The following SSBP2 variants were observed in gnomAD, a reference collection of about 807,000 sequenced individuals.
SSBP2 encodes the protein single-stranded DNA-binding protein 2.
SSBP2 carries 17 observed loss-of-function variants against 61.8 expected under a neutral mutation model. That is an observed-to-expected ratio of 0.28 (90% CI 0.19 to 0.41). The LOEUF (loss-of-function observed/expected upper bound fraction) is 0.41. Ranked by LOEUF, SSBP2 falls within the 10% of genes least tolerant of loss-of-function variation. The pLI is 1.00. For synonymous variants in SSBP2, 139 were observed against 141.3 expected (o/e 0.98, Z 0.12); for missense variants, 310 against 458.7 (o/e 0.68, Z 2.96).
chr5:81,454,777 T>G (rs1764019367), intron 10 of SSBP2, among the ~76,000 whole-genome samples: 1 of 152,024 alleles, frequency 6.6e-6, no homozygotes, highest in South Asian at 2.1e-4. Context: ...TATATATATA[T>G]TTCTATTTCT....
intron 9 of SSBP2, among the ~76,000 whole-genome samples, chr5:81,461,322 C>T (rs1343541143): frequency 1.3e-5 from 2 of 151,796 alleles, no homozygotes; most frequent in Admixed American, 6.6e-5. Context: ...TTTTAGAAAG[C>T]CCAGTTTTAT....
At chr5:81,738,860 T>C (rs1040060114) in intron 1 of SSBP2, among the ~76,000 whole-genome samples, 7 of 152,154 alleles carry the variant, frequency 4.6e-5, no homozygotes, top group Non-Finnish European at 8.8e-5. Flanking sequence ...GTGTAACTTT[T>C]CTGCTTAAAA....
intron 4 of SSBP2, among the ~76,000 whole-genome samples, chr5:81,529,197 A>AACACAGCTATG (rs1289027136): frequency 7.2e-5 from 11 of 152,118 alleles, no homozygotes; most frequent in African/African-American, 2.4e-4. Context: ...GAGTAGTAAA[A>AACACAGCTATG]ACACAGCTAT....
intron 5 of SSBP2, among the ~76,000 whole-genome samples, chr5:81,494,097 C>T (rs1409579032): frequency 6.6e-6 from 1 of 152,302 alleles, no homozygotes; most frequent in East Asian, 1.9e-4. Context: ...ATGTTCTCTT[C>T]ACCAAATGGC....
intron 11 of SSBP2, among the ~76,000 whole-genome samples, chr5:81,448,344 T>C (rs967164202): frequency 7.2e-5 from 11 of 152,162 alleles, no homozygotes; most frequent in African/African-American, 2.4e-4. Context: ...AACCAAAAAA[T>C]GAAATGATTC....
At chr5:81,465,803 T>C (rs1561433315) in intron 9 of SSBP2, among the ~76,000 whole-genome samples, 2 of 151,994 alleles carry the variant, frequency 1.3e-5, no homozygotes, top group Admixed American at 1.3e-4. Context: ...GGCCAAGCCT[T>C]TGAGGAATTT....
chr5:81,566,095 T>C (rs2153429555), intron 4 of SSBP2, among the ~76,000 whole-genome samples: 1 of 152,334 alleles, frequency 6.6e-6, no homozygotes, highest in South Asian at 2.1e-4. Flanking sequence ...AATTTGAGCA[T>C]AAAACTTTTG....
chr5:81,610,224 C>T (rs1448466643), intron 4 of SSBP2, among the ~76,000 whole-genome samples: 1 of 152,120 alleles, frequency 6.6e-6, no homozygotes, highest in African/African-American at 2.4e-5. Context: ...GCATCACCAG[C>T]CAGAGGTCCC....
chr5:81,538,902 C>T (rs1283674355), intron 4 of SSBP2, among the ~76,000 whole-genome samples: 4 of 152,188 alleles, frequency 2.6e-5, no homozygotes, highest in African/African-American at 4.8e-5. Context: ...TGAAGATATA[C>T]AAGGAGACTG....
At chr5:81,644,453 G>T (rs1749085661) in intron 2 of SSBP2, among the ~76,000 whole-genome samples, 1 of 152,110 alleles carries the variant, frequency 6.6e-6, no homozygotes, top group African/African-American at 2.4e-5. Context: ...AATGAGAGAG[G>T]TTATGAGAAG....
At chr5:81,515,911 TAAG>T (rs1231349959) in intron 4 of SSBP2, among the ~76,000 whole-genome samples, 1 of 151,922 alleles carries the variant, frequency 6.6e-6, no homozygotes, top group African/African-American at 2.4e-5. Context: ...ATAAATTCAA[TAAG>T]AATACTGAAT....
At chr5:81,696,782 T>A (rs1273365273) in intron 1 of SSBP2, among the ~76,000 whole-genome samples, 3 of 152,230 alleles carry the variant, frequency 2.0e-5, no homozygotes, top group African/African-American at 7.2e-5. Flanking sequence ...GATTAATTCA[T>A]ATTTCCTACA....
chr5:81,524,601 T>G (rs894098915), intron 4 of SSBP2, among the ~76,000 whole-genome samples: 12 of 152,186 alleles, frequency 7.9e-5, no homozygotes, highest in East Asian at 7.7e-4. Context: ...GTTACTGTAC[T>G]TGGCCTATTG....
chr5:81,751,063 C>T lies in SSBP2; in HGVS notation c.-21G>A. On this transcript the variant is annotated 5_prime_UTR_variant, in exon 1 of 17. Coordinates refer to ENST00000320672, the MANE Select transcript of SSBP2 (RefSeq NM_012446.5). ...TACATGCTTGTGCCGAGAGCAGCTC[C>T]CACTGTCACGCACCTGTCAACCCAT... The T allele has an allele frequency of 6.3e-7, 1 of 1,579,174 alleles. No homozygotes were observed. Among genetic ancestry groups the T allele is most frequent in the Middle Eastern group, 1.7e-4 (1 of 6,014 alleles).
intron 2 of SSBP2, among the ~76,000 whole-genome samples, chr5:81,649,400 A>C (rs1349833006): frequency 6.6e-6 from 1 of 152,102 alleles, no homozygotes; most frequent in Non-Finnish European, 1.5e-5. Flanking sequence ...GGTGGATTAG[A>C]TGAAGATGGG....
chr5:81,431,826 T>A (rs1301444473), intron 15 of SSBP2, among the ~76,000 whole-genome samples: 3 of 152,148 alleles, frequency 2.0e-5, no homozygotes, highest in Admixed American at 6.5e-5. Flanking sequence ...ACTCAAGCAA[T>A]CCTCCTCACT....
At chr5:81,717,904 C>T (rs1463083722) in intron 1 of SSBP2, among the ~76,000 whole-genome samples, 1 of 152,136 alleles carries the variant, frequency 6.6e-6, no homozygotes. Flanking sequence ...CAGAGCCAAT[C>T]AATGGAGGAT....
chr5:81,733,722 T>C (rs1464607702), intron 1 of SSBP2, among the ~76,000 whole-genome samples: 1 of 152,154 alleles, frequency 6.6e-6, no homozygotes, highest in Non-Finnish European at 1.5e-5. Context: ...CCAAATGCCA[T>C]AGTTAGACAG....
At chr5:81,651,950 G>A (rs1749765908) in intron 1 of SSBP2, among the ~76,000 whole-genome samples, 1 of 152,122 alleles carries the variant, frequency 6.6e-6, no homozygotes, top group South Asian at 2.1e-4. Context: ...GCCTGCCAGT[G>A]GCAGTTCTGC....
Sources: allele counts gnomAD v4.1 joint callset (sites outside exome capture counted in the v4.1 genomes callset), GRCh38; gene constraint gnomAD v4.1.1; transcripts MANE v1.5; gene names NCBI Gene and HGNC (gene_info 2026-07-23, HGNC 2026-07-21).